Variants in MMP14 observed in about 807,000 individuals in gnomAD.
MMP14 encodes matrix metalloproteinase-14.
In MMP14, 13 loss-of-function variants were observed where a neutral mutation model predicts 64.8. The ratio of observed to expected loss-of-function variants is 0.20; its 90% CI spans 0.13 to 0.32. MMP14 has a LOEUF of 0.32. MMP14 is among the 10% of genes least tolerant of loss of function. MMP14 has a pLI of 1.00. For missense variants in MMP14, 594 were observed against 783.8 expected (o/e 0.76, Z 2.89); for synonymous variants, 322 against 315.9 (o/e 1.02, Z -0.20).
rs751462032 is a variant in MMP14 at position 22,843,741 on chromosome 14, C to T, written c.882C>T (p.Pro294=). The part of the protein sequence containing the change: ...GGESGFPTKM[P]PQPRTTSRPS... Reference sequence around the variant, plus strand: ...AGTCAGGGTTCCCCACCAAGATGCCCCCTCAACCCAGGACTACCTCCCGGC... The same window carrying T: ...AGTCAGGGTTCCCCACCAAGATGCCTCCTCAACCCAGGACTACCTCCCGGC... Residue 294 remains proline (P), a synonymous_variant, in exon 6 of 10, where the codon CCC becomes CCT. Coordinates refer to ENST00000311852, the MANE Select transcript of MMP14 (RefSeq NM_004995.4). The surrounding 1 kb of genome is among the most constrained non-coding windows in gnomAD (Gnocchi z 4.8). 14 of 1,602,894 alleles carry T rather than the reference C, an allele frequency of 8.7e-6. No individual in the cohort carries two copies. The highest frequency in any genetic ancestry group is 2.2e-5 in the East Asian group (1 of 44,786).
Position 22,842,347 on chromosome 14 carries a change from G to A in MMP14, c.381-63G>A. The A allele has an allele frequency of 1.3e-6, 2 of 1,544,018 alleles. No homozygotes were observed. The highest frequency in any genetic ancestry group is 1.8e-6 in the Non-Finnish European group (2 of 1,135,558). On this transcript the variant is annotated intron_variant, in intron 3 of 9. Transcript: ENST00000311852. This position sits in a 1 kb window ranked among gnomAD's most constrained non-coding sequence, Gnocchi z 5.3. ...GTCAGACCTGGGAGAGTGCAGGGAA[G>A]GAGAATGTTGCCCCTCTTTATCCTA...
At chr14:22,841,672 A>G in intron 2 of MMP14, 33 bp downstream of exon 2, 1 of 1,612,274 alleles carries the variant, frequency 6.2e-7, no homozygotes, top group Non-Finnish European at 8.5e-7. Flanking sequence ...AGTTCTGCCT[A>G]GCATCCACTG....
In MMP14 at chr14:22,841,924, G is replaced by A. The variant is rs778695115; in HGVS notation, c.269G>A (p.Arg90His). ...ADADTMKAMR[R>H]PRCGVPDKFG... ...CAAACCCACTCCAGGGCCATGAGGC[G>A]CCCCCGATGTGGTGTTCCAGACAAG... is the stretch of plus-strand genomic sequence containing the variant. The change falls in exon 3 of 10, where the codon CGC becomes CAC. Residue 90 changes from arginine to histidine, a missense_variant. By Grantham distance (29) the Arg-to-His change is conservative. Coordinates refer to ENST00000311852, the MANE Select transcript of MMP14 (RefSeq NM_004995.4). The A allele has an allele frequency of 4.1e-5, 66 of 1,614,054 alleles. No individual in the cohort carries two copies. Among genetic ancestry groups the A allele is most frequent in the South Asian group, 3.0e-4 (27 of 91,082 alleles).
chr14:22,846,042 C>A lies in MMP14; in HGVS notation c.*3C>A, dbSNP rs370775141. On this transcript the variant is annotated 3_prime_UTR_variant, in exon 10 of 10. Transcript: ENST00000311852. ...GTTCCCTGCTGGACAAGGTCTGACG[C>A]CCACCGCCGGCCCGCCCACTCCTAC... The A allele has an allele frequency of 3.4e-6, 5 of 1,469,336 alleles. No individual in the cohort carries two copies. Among genetic ancestry groups the A allele is most frequent in the Middle Eastern group, 2.4e-4 (1 of 4,122 alleles). 91.0% of individuals were successfully genotyped at this position (1,469,336 alleles called of 1,614,324 possible). A position where few individuals can be genotyped will look rare whatever the true frequency, so the allele number is the denominator to read the frequency against.
Position 22,842,069 on chromosome 14 carries a change from C to G in MMP14, c.380+34C>G, listed in dbSNP as rs1443298275. On this transcript the variant is annotated intron_variant, in intron 3 of 9. Coordinates refer to ENST00000311852, the MANE Select transcript of MMP14 (RefSeq NM_004995.4). This position sits in a 1 kb window ranked among gnomAD's most constrained non-coding sequence, Gnocchi z 5.3. ...AACAGGCAAGCAACCTTTCTCACATCTGGTTATTATTTCCTACCCATTGTG... is the reference window on the plus strand; with the variant it reads ...AACAGGCAAGCAACCTTTCTCACATGTGGTTATTATTTCCTACCCATTGTG... 28 of 1,613,480 alleles carry G rather than the reference C, an allele frequency of 1.7e-5. No individual in the cohort carries two copies. The highest frequency in any genetic ancestry group is 2.3e-5 in the Non-Finnish European group (27 of 1,179,626).
rs775499277 is a variant in MMP14, at chr14:22,841,578, G to A, written c.196G>A (p.Ala66Thr). ...ACCCCAGTCACTCTCAGCGGCCATC[G>A]CTGCCATGCAGAAGTTTTACGGCTT... ...RSPQSLSAAI[A>T]AMQKFYGLQV... Residue 66 changes from alanine (A) to threonine (T), a missense_variant, in exon 2 of 10, where the codon GCT becomes ACT. Around this residue, in one of 4 missense-constraint regions of MMP14, gnomAD observed 179 missense variants for 283.4 expected, o/e 0.63. Transcript: ENST00000311852. 20 of 1,613,954 alleles carry A rather than the reference G, an allele frequency of 1.2e-5. No homozygotes were observed. Among genetic ancestry groups the A allele is most frequent in the Middle Eastern group, 1.6e-4 (1 of 6,084 alleles).
At chr14:22,839,910 C>T (rs1453407600) in intron 1 of MMP14, among the ~76,000 whole-genome samples, 1 of 151,626 alleles carries the variant, frequency 6.6e-6, no homozygotes, top group Non-Finnish European at 1.5e-5. Flanking sequence ...GTCTTCTCCC[C>T]ATAAAAGAAT....
At chr14:22,836,966 G>C in intron 1 of MMP14, 41 bp downstream of exon 1, 5 of 1,530,132 alleles carry the variant, frequency 3.3e-6, no homozygotes, top group Non-Finnish European at 3.6e-6. Flanking sequence ...CGCGCCCGCC[G>C]GGAGGCGAGC....
chr14:22,847,471 G>C lies in MMP14; in HGVS notation c.*1432G>C, dbSNP rs1002864416. On this transcript the variant is annotated 3_prime_UTR_variant, in exon 10 of 10. Transcript: ENST00000311852. ...AGCAAGAGGAGAGGGATGTCGGGGG[G>C]GTGGGGCACGGGGTAGGGGAAATGG... The C allele has an allele frequency of 6.6e-6, 1 of 152,056 alleles. No homozygotes were observed. Among genetic ancestry groups the C allele is most frequent in the Non-Finnish European group, 1.5e-5 (1 of 67,998 alleles). 9.4% of individuals were successfully genotyped at this position (152,056 alleles called of 1,614,324 possible). A position where few individuals can be genotyped will look rare whatever the true frequency, so the allele number is the denominator to read the frequency against.
intron 1 of MMP14, among the ~76,000 whole-genome samples, chr14:22,839,951 G>A (rs182804408): frequency 5.3e-4 from 78 of 148,326 alleles, no homozygotes; most frequent in South Asian, 1.9e-3. Context: ...TATATAACTT[G>A]GCTTGTTTTA....
rs975660924 is a variant in MMP14, at chr14:22,842,794, C to T, written c.688+77C>T. On this transcript the variant is annotated intron_variant, in intron 4 of 9. Coordinates refer to ENST00000311852, the MANE Select transcript of MMP14 (RefSeq NM_004995.4). The surrounding 1 kb of genome is among the most constrained non-coding windows in gnomAD (Gnocchi z 5.3). Reference sequence around the variant, plus strand: ...TAGGGGTGGTTCCCCTCCCTCCTTCCAAAATCTCCGGGCTAGAAGGGACCA... The same window carrying T: ...TAGGGGTGGTTCCCCTCCCTCCTTCTAAAATCTCCGGGCTAGAAGGGACCA... 7 of 1,459,380 alleles carry T rather than the reference C, an allele frequency of 4.8e-6. No homozygotes were observed. The highest frequency in any genetic ancestry group is 1.4e-5 in the African/African-American group (1 of 70,810). The allele number at this position is 1,459,380 out of a possible 1,614,324, so 90.4% of individuals were successfully genotyped here.
chr14:22,836,608 A>G lies in MMP14; in HGVS notation c.-210A>G. 2.1e-6 allele frequency: 1 copy of G among 481,972 alleles called. No individual in the cohort carries two copies. Among genetic ancestry groups the G allele is most frequent in the Non-Finnish European group, 3.6e-6 (1 of 274,182 alleles). 29.9% of individuals were successfully genotyped at this position (481,972 alleles called of 1,614,324 possible). A position where few individuals can be genotyped will look rare whatever the true frequency, so the allele number is the denominator to read the frequency against. ...CCAGACCCCAGTTCGCCGACTAAGC[A>G]GAAGAAAGATCAAAAACCGGAAAAG... On this transcript the variant is annotated 5_prime_UTR_variant, in exon 1 of 10. Coordinates refer to ENST00000311852, the MANE Select transcript of MMP14 (RefSeq NM_004995.4).
chr14:22,841,746 T>G (rs1788805958), intron 2 of MMP14, 107 bp downstream of exon 2: 4 of 1,555,592 alleles, frequency 2.6e-6, no homozygotes. Flanking sequence ...CTCCCCCATA[T>G]CTCATCCCCA....
intron 1 of MMP14, among the ~76,000 whole-genome samples, chr14:22,838,699 C>A (rs375703496): frequency 1.3e-5 from 2 of 152,168 alleles, no homozygotes; most frequent in South Asian, 4.1e-4. Context: ...CCTACCAGGC[C>A]TCCAGAGTCC....
At position 22,842,098 on chromosome 14, in the gene MMP14, A is replaced by G; in HGVS notation, c.380+63A>G. 6.2e-7 allele frequency: 1 copy of G among 1,601,904 alleles called. No homozygotes were observed. The highest frequency in any genetic ancestry group is 1.1e-5 in the South Asian group (1 of 89,680). ...TTATTATTTCCTACCCATTGTGCTT[A>G]TGCAGGGACTCAGAGACCCCCTGCC... On this transcript the variant is annotated intron_variant, in intron 3 of 9. Coordinates refer to ENST00000311852, the MANE Select transcript of MMP14 (RefSeq NM_004995.4). This position sits in a 1 kb window ranked among gnomAD's most constrained non-coding sequence, Gnocchi z 5.3.
At chr14:22,839,108 C>A (rs899513017) in intron 1 of MMP14, among the ~76,000 whole-genome samples, 2 of 152,188 alleles carry the variant, frequency 1.3e-5, no homozygotes, top group Non-Finnish European at 2.9e-5. Flanking sequence ...CCCCATCTTC[C>A]TTCTGTCGTT....
chr14:22,841,317 G>A (rs1305981367), intron 1 of MMP14, among the ~76,000 whole-genome samples, 174 bp from the exon 2 acceptor site: 2 of 152,200 alleles, frequency 1.3e-5, no homozygotes, highest in African/African-American at 2.4e-5. Flanking sequence ...GAGGGGCCTG[G>A]GCCAGAGATC....
At position 22,843,293 on chromosome 14, in the gene MMP14, G is replaced by A. The variant is rs1456860180; in HGVS notation, c.725G>A (p.Gly242Asp). Reference protein sequence around the residue: ...DIFLVAVHELGHALGLEHSSD... With the variant: ...DIFLVAVHELDHALGLEHSSD... ...TTCCTGGTGGCTGTGCACGAGCTGG[G>A]CCATGCCCTGGGGCTCGAGCATTCC... is the stretch of plus-strand genomic sequence containing the variant. Residue 242 changes from glycine (G) to aspartate (D), a missense_variant, in exon 5 of 10, where the codon GGC becomes GAC. By Grantham distance (94) the Gly-to-Asp change is moderately conservative (BLOSUM62 -1). Coordinates refer to ENST00000311852, the MANE Select transcript of MMP14 (RefSeq NM_004995.4). This position sits in a 1 kb window ranked among gnomAD's most constrained non-coding sequence, Gnocchi z 4.8. 6.2e-7 allele frequency: 1 copy of A among 1,614,080 alleles called. No individual in the cohort carries two copies. The highest frequency in any genetic ancestry group is 1.7e-5 in the Admixed American group (1 of 60,026).
intron 1 of MMP14, chr14:22,837,343 C>A (rs1204039125): frequency 2.2e-6 from 1 of 458,042 alleles, no homozygotes; most frequent in Non-Finnish European, 4.4e-6. Context: ...CTTCGACTTC[C>A]CAGCTCTCCA....
Sources: gnomAD v4.1 joint callset for allele counts (sites outside exome capture counted in the v4.1 genomes callset) on GRCh38, gnomAD v4.1.1 for gene constraint, gnomAD v4.1.1 regional missense constraint, Gnocchi (gnomAD v3.1) non-coding constraint, MANE v1.5 for transcripts, NCBI Gene and HGNC (gene_info 2026-07-23, HGNC 2026-07-21) for gene names.